The following CHRM3 variants were observed in gnomAD, a reference collection of about 807,000 sequenced individuals.
CHRM3 encodes the protein muscarinic acetylcholine receptor M3.
Under a neutral mutation model 41.8 loss-of-function variants are expected in CHRM3, and 11 were observed. The observed-to-expected ratio is 0.26, with a 90% CI of 0.17 to 0.44. CHRM3 has a LOEUF of 0.44. Among genes scored for constraint, CHRM3 ranks in the 20% least tolerant of loss-of-function variants. The probability of loss-of-function intolerance (pLI) is 1.00; values close to 1 mark genes in which losing one functional copy is unlikely to be tolerated. For synonymous variants in CHRM3, 297 were observed against 301.4 expected, an observed-to-expected ratio of 0.99 and a Z score of 0.15; for missense variants, 571 against 745.4, an observed-to-expected ratio of 0.77 and a Z score of 2.72.
chr1:239,899,444 TATG>T (rs1013735489), intron 6 of CHRM3, among the ~76,000 whole-genome samples: 4 of 150,566 alleles, frequency 2.7e-5, no homozygotes, highest in African/African-American at 9.8e-5. Context: ...CATGTATGTA[TATG>T]ATATGTATAT....
At chr1:239,899,105 A>G (rs1679259562) in intron 6 of CHRM3, among the ~76,000 whole-genome samples, 1 of 152,156 alleles carries the variant, frequency 6.6e-6, no homozygotes, top group African/African-American at 2.4e-5. Flanking sequence ...GTACATCATG[A>G]CTATAGACAT....
intron 5 of CHRM3, among the ~76,000 whole-genome samples, chr1:239,801,834 T>G (rs1670243013): frequency 6.6e-6 from 1 of 152,006 alleles, no homozygotes; most frequent in African/African-American, 2.4e-5. Flanking sequence ...CTTCTAGAAC[T>G]TTCTAGAAGC....
chr1:239,432,635 T>C (rs1404947652), intron 1 of CHRM3, among the ~76,000 whole-genome samples: 2 of 152,200 alleles, frequency 1.3e-5, no homozygotes, highest in Admixed American at 6.5e-5. Context: ...ACATTCATTA[T>C]ATGAAAATGT....
chr1:239,430,830 T>G (rs1662782433), intron 1 of CHRM3, among the ~76,000 whole-genome samples: 1 of 152,024 alleles, frequency 6.6e-6, no homozygotes, highest in South Asian at 2.1e-4. Context: ...CCTGGTACAT[T>G]GATTTTTCTA....
At chr1:239,889,744 G>A (rs1481302361) in intron 6 of CHRM3, among the ~76,000 whole-genome samples, 1 of 152,162 alleles carries the variant, frequency 6.6e-6, no homozygotes, top group African/African-American at 2.4e-5. Flanking sequence ...CTGAGGCTGT[G>A]CTTATGAGCT....
chr1:239,446,718 C>T lies in CHRM3; in HGVS notation c.-520-45991C>T, dbSNP rs549055478. On this transcript the variant is annotated intron_variant, in intron 1 of 6. Coordinates refer to ENST00000676153, the MANE Select transcript of CHRM3 (RefSeq NM_001375978.1). ...GAAAGTCTACATTTGAGGGCCTGTA[C>T]TACTGAAATAATATTAAGTATGATA... 5.9e-5 allele frequency among the ~76,000 whole-genome samples: 9 copies of T among 152,070 alleles called. No homozygotes were observed. The South Asian group carries it at 1.7e-3, about 28-fold the overall frequency.
chr1:239,411,720 CAAAAAAAAAAAAAA>C (rs1161775399), intron 1 of CHRM3, among the ~76,000 whole-genome samples: 10 of 46,724 alleles, frequency 2.1e-4, no homozygotes, highest in Middle Eastern at 0.024. Context: ...GCCTCTGTCT[CAAAAAAAAAAAAAA>C]AAAAAAAAAA....
rs1572220844 is a variant in CHRM3 at position 239,765,355 on chromosome 1, A to G, written c.-146-61897A>G. ...GGTCCTGGTGCCTTGCCTGCTACTT[A>G]CGCACTCACCACTAGGGAAGTAAGT... On this transcript the variant is annotated intron_variant, in intron 5 of 6. Transcript: ENST00000676153. Among the ~76,000 whole-genome samples the G allele has an allele frequency of 2.0e-5, 3 of 152,170 alleles. No individual in the cohort carries two copies. The East Asian group carries it at 5.8e-4, about 29-fold the overall frequency.
intron 4 of CHRM3, among the ~76,000 whole-genome samples, chr1:239,636,241 C>T (rs559868471): frequency 9.9e-5 from 15 of 152,156 alleles, no homozygotes; most frequent in Non-Finnish European, 1.9e-4. Flanking sequence ...CAAAATTTTC[C>T]CTGTTTTTAT....
chr1:239,787,406 AG>A (rs1668990904), intron 5 of CHRM3, among the ~76,000 whole-genome samples: 1 of 152,202 alleles, frequency 6.6e-6, no homozygotes, highest in Admixed American at 6.5e-5. Flanking sequence ...AGGATGAAGC[AG>A]AAGCCGTGTA....
intron 5 of CHRM3, among the ~76,000 whole-genome samples, chr1:239,729,618 A>G (rs1365039968): frequency 6.6e-6 from 1 of 151,970 alleles, no homozygotes; most frequent in Non-Finnish European, 1.5e-5. Flanking sequence ...CATAATAGTT[A>G]CAGAGTTTTC....
rs1231929427 is a variant in CHRM3, at chr1:239,913,883, G to C, written c.*4659G>C. 1 of 167,080 alleles carries C rather than the reference G, an allele frequency of 6.0e-6. No homozygotes were observed. Among genetic ancestry groups the C allele is most frequent in the Non-Finnish European group, 1.5e-5 (1 of 68,122 alleles). The allele number at this position is 167,080 out of a possible 1,614,324, so 10.3% of individuals were successfully genotyped here. ...TATATGGAAGTCATCCAAATGCGTTGCTAGAATATCAGGCCTATGTTTGTT... is the reference window on the plus strand; with the variant it reads ...TATATGGAAGTCATCCAAATGCGTTCCTAGAATATCAGGCCTATGTTTGTT... On this transcript the variant is annotated 3_prime_UTR_variant, in exon 7 of 7. Coordinates refer to ENST00000676153, the MANE Select transcript of CHRM3 (RefSeq NM_001375978.1).
At chr1:239,461,430 G>T (rs771502975) in intron 1 of CHRM3, among the ~76,000 whole-genome samples, 21 of 151,956 alleles carry the variant, frequency 1.4e-4, no homozygotes, top group Non-Finnish European at 2.8e-4. Flanking sequence ...ATTTGCAAAA[G>T]CTGATTCTAT....
At chr1:239,668,844 G>T (rs913104781) in intron 4 of CHRM3, among the ~76,000 whole-genome samples, 6 of 152,178 alleles carry the variant, frequency 3.9e-5, no homozygotes, top group South Asian at 2.1e-4. Context: ...ACAGTTTGGG[G>T]TCTTATTCAG....
intron 6 of CHRM3, among the ~76,000 whole-genome samples, chr1:239,858,775 C>T (rs1024730360): frequency 5.9e-5 from 9 of 152,096 alleles, no homozygotes; most frequent in African/African-American, 2.2e-4. Context: ...TCCTAGAGCC[C>T]CTCCCCCAGC....
intron 5 of CHRM3, among the ~76,000 whole-genome samples, chr1:239,756,507 A>G (rs951946114): frequency 1.3e-5 from 2 of 152,218 alleles, no homozygotes; most frequent in Admixed American, 6.5e-5. Flanking sequence ...GATGTTGATA[A>G]CATAACATGC....
chr1:239,613,186 G>A (rs1037577101), intron 3 of CHRM3, among the ~76,000 whole-genome samples: 2 of 152,166 alleles, frequency 1.3e-5, no homozygotes, highest in African/African-American at 4.8e-5. Flanking sequence ...GAGATGATGT[G>A]ATGTTTCACA....
intron 2 of CHRM3, among the ~76,000 whole-genome samples, chr1:239,495,421 T>C (rs918751912): frequency 6.6e-6 from 1 of 152,178 alleles, no homozygotes; most frequent in Non-Finnish European, 1.5e-5. Flanking sequence ...ACAGTCCTTC[T>C]CTCCACTCCT....
chr1:239,590,659 G>A, intron 3 of CHRM3, among the ~76,000 whole-genome samples: 1 of 151,946 alleles, frequency 6.6e-6, no homozygotes, highest in East Asian at 1.9e-4. Context: ...TTCTTCATGA[G>A]GCATTTTAAA....
Sources: allele counts gnomAD v4.1 joint callset (sites outside exome capture counted in the v4.1 genomes callset), GRCh38; gene constraint gnomAD v4.1.1; transcripts MANE v1.5; gene names NCBI Gene and HGNC (gene_info 2026-07-23, HGNC 2026-07-21).